The following TRPM3 variants were observed in gnomAD, a reference collection of about 807,000 sequenced individuals.
TRPM3 encodes long transient receptor potential channel 3.
Under a neutral mutation model 181.2 loss-of-function variants are expected in TRPM3, and 77 were observed. The ratio of observed to expected loss-of-function variants is 0.42; its 90% CI spans 0.35 to 0.51. TRPM3 has a LOEUF of 0.51. Ranked by LOEUF, TRPM3 falls within the 20% of genes least tolerant of loss-of-function variation. The pLI is 0.01. For synonymous variants in TRPM3, 745 were observed against 796.4 expected (o/e 0.94, Z 1.09); for missense variants, 1,759 against 2,196.7 (o/e 0.80, Z 3.98).
intron 1 of TRPM3, among the ~76,000 whole-genome samples, chr9:70,981,729 T>A (rs111463433): frequency 6.6e-6 from 1 of 152,198 alleles, no homozygotes; most frequent in East Asian, 1.9e-4. Flanking sequence ...ACTCAATTAA[T>A]GCTAATAACT....
At chr9:71,197,455 C>T (rs1226859702) in intron 1 of TRPM3, among the ~76,000 whole-genome samples, 2 of 152,052 alleles carry the variant, frequency 1.3e-5, no homozygotes, top group Non-Finnish European at 2.9e-5. Flanking sequence ...CACTGACTTC[C>T]ACAAGGGTTG....
chr9:70,595,198 G>A (rs2058793413), intron 21 of TRPM3, among the ~76,000 whole-genome samples: 1 of 152,134 alleles, frequency 6.6e-6, no homozygotes, highest in Non-Finnish European at 1.5e-5. Flanking sequence ...GTTATTCCAA[G>A]TATATAAATG....
chr9:71,147,206 C>T (rs1233007500), intron 1 of TRPM3, among the ~76,000 whole-genome samples: 9 of 152,054 alleles, frequency 5.9e-5, no homozygotes. Flanking sequence ...GTATTTTCAT[C>T]GAGGAGATAG....
At chr9:71,118,053 T>A (rs1171690132) in intron 1 of TRPM3, among the ~76,000 whole-genome samples, 3 of 152,122 alleles carry the variant, frequency 2.0e-5, no homozygotes, top group Non-Finnish European at 4.4e-5. Context: ...AAACTTGACT[T>A]TTTTTGTGAT....
Position 70,937,224 on chromosome 9 carries a change from T to C in TRPM3, c.178-72713A>G, listed in dbSNP as rs186035870. ...AAATGGATAAGAGAGGCAGGTAGCA[T>C]AGAAACAGACAGTGAGGTTAGAATT... On this transcript the variant is annotated intron_variant, in intron 1 of 25. Coordinates refer to ENST00000677713, the MANE Select transcript of TRPM3 (RefSeq NM_001366145.2). 2.7e-4 allele frequency among the ~76,000 whole-genome samples: 41 copies of C among 152,304 alleles called. 1 individual carries two copies. The highest frequency in any genetic ancestry group is 9.6e-4 in the African/African-American group (40 of 41,550).
chr9:71,402,076 A>C (rs1356978899), intron 1 of TRPM3, among the ~76,000 whole-genome samples: 1 of 152,198 alleles, frequency 6.6e-6, no homozygotes, highest in African/African-American at 2.4e-5. Flanking sequence ...TGAAGAAAAA[A>C]ATGAACATTC....
chr9:71,122,259 C>T (rs1287466811), upstream of TRPM3, among the ~76,000 whole-genome samples: 1 of 152,202 alleles, frequency 6.6e-6, no homozygotes, highest in East Asian at 1.9e-4. Flanking sequence ...TCTAAGGAGG[C>T]TGTATGAAAT....
At position 71,442,653 on chromosome 9, in the gene TRPM3, G is replaced by T. The variant is rs1390254470; in HGVS notation, c.183+4000C>A. The stretch of plus-strand genomic sequence containing the variant: ...AAAAAGGAGAGCATATAATTTGGGA[G>T]AGGATAAATATACTTAATTGAAATC... On this transcript the variant is annotated intron_variant, in intron 1 of 24. Coordinates refer to the TRPM3 transcript ENST00000357533. Among the ~76,000 whole-genome samples, 4 of 152,266 alleles carry T rather than the reference G, an allele frequency of 2.6e-5. No homozygotes were observed. In the East Asian group the frequency reaches 7.7e-4, roughly 29 times the overall value.
chr9:70,807,010 A>G (rs72729716), intron 6 of TRPM3, among the ~76,000 whole-genome samples: 1 of 152,332 alleles, frequency 6.6e-6, no homozygotes, highest in Non-Finnish European at 1.5e-5. Context: ...AGGGAATGAG[A>G]CACCTTATCT....
intron 1 of TRPM3, among the ~76,000 whole-genome samples, chr9:70,954,018 A>G (rs918591793): frequency 6.6e-6 from 1 of 152,188 alleles, no homozygotes; most frequent in Non-Finnish European, 1.5e-5. Flanking sequence ...TGAAGAAATT[A>G]CATCCACCTC....
At chr9:71,422,984 A>G (rs2093804483) in intron 1 of TRPM3, among the ~76,000 whole-genome samples, 1 of 151,990 alleles carries the variant, frequency 6.6e-6, no homozygotes, top group African/African-American at 2.4e-5. Context: ...ACAATGCAAA[A>G]CCTTCTCTAG....
At chr9:70,772,974 C>T (rs1242109954) in intron 7 of TRPM3, among the ~76,000 whole-genome samples, 1 of 151,894 alleles carries the variant, frequency 6.6e-6, no homozygotes, top group Non-Finnish European at 1.5e-5. Flanking sequence ...TGTTTTAGGA[C>T]CCATATAAAA....
chr9:70,757,668 G>A (rs767960036), intron 8 of TRPM3, among the ~76,000 whole-genome samples: 12 of 151,370 alleles, frequency 7.9e-5, no homozygotes, highest in Non-Finnish European at 1.6e-4. Context: ...CCCTGGTCTG[G>A]TTCAACATAT....
At position 70,951,151 on chromosome 9, in the gene TRPM3, C is replaced by T. The variant is rs181305025; in HGVS notation, c.178-86640G>A. ...TAGAAGAGTTTGATATAAATTCATA[C>T]TTAAAATATGAATTCATATTTAAAA... On this transcript the variant is annotated intron_variant, in intron 1 of 25. Transcript: ENST00000677713. Among the ~76,000 whole-genome samples the T allele has an allele frequency of 3.2e-4, 49 of 151,982 alleles. 1 individual carries two copies. Among genetic ancestry groups the T allele is most frequent in the African/African-American group, 9.9e-4 (41 of 41,456 alleles).
At chr9:71,318,912 C>T (rs2088915578) in intron 1 of TRPM3, among the ~76,000 whole-genome samples, 1 of 149,850 alleles carries the variant, frequency 6.7e-6, no homozygotes, top group African/African-American at 2.4e-5. Context: ...TCCCAGATCC[C>T]TCTCCCAGCC....
At chr9:70,759,691 G>T (rs1293686179) in intron 8 of TRPM3, among the ~76,000 whole-genome samples, 2 of 152,162 alleles carry the variant, frequency 1.3e-5, no homozygotes, top group Non-Finnish European at 2.9e-5. Context: ...CAGGGACATG[G>T]ATGAAGCTGG....
intron 1 of TRPM3, among the ~76,000 whole-genome samples, chr9:70,900,829 A>G (rs949594476): frequency 6.6e-6 from 1 of 152,236 alleles, no homozygotes; most frequent in African/African-American, 2.4e-5. Flanking sequence ...GCAAGAATCT[A>G]TATCTGGCCT....
chr9:70,959,168 GAAAA>G (rs767994499), intron 1 of TRPM3, among the ~76,000 whole-genome samples: 4 of 150,390 alleles, frequency 2.7e-5, no homozygotes, highest in African/African-American at 9.8e-5. Flanking sequence ...ATAAAAAAAA[GAAAA>G]AAAATATGTC....
At chr9:71,444,212 C>T (rs73472669) in intron 1 of TRPM3, among the ~76,000 whole-genome samples, 4,614 of 151,436 alleles carry the variant, frequency 0.03, 99 homozygotes, top group African/African-American at 0.053. Context: ...ACAATCATTC[C>T]CCTTGAGGAC....
Sources: allele counts gnomAD v4.1 joint callset (sites outside exome capture counted in the v4.1 genomes callset), GRCh38; gene constraint gnomAD v4.1.1; transcripts MANE v1.5; gene names NCBI Gene and HGNC (gene_info 2026-07-23, HGNC 2026-07-21).